PIP5K1A: variants seen among roughly 807,000 people sequenced by gnomAD.
PIP5K1A encodes phosphatidylinositol 4-phosphate 5-kinase type-1 alpha.
A neutral mutation model predicts 72.9 loss-of-function variants in PIP5K1A; 46 were observed. The ratio of observed to expected loss-of-function variants is 0.63; its 90% CI spans 0.50 to 0.81. The LOEUF is 0.81. Among genes scored for constraint, PIP5K1A ranks in the 30% least tolerant of loss-of-function variants. The pLI, the probability that PIP5K1A is intolerant of heterozygous loss-of-function variation, is 0.00. For missense variants in PIP5K1A, 458 were observed against 706.1 expected (o/e 0.65, Z 3.98); for synonymous variants, 228 against 255.1 (o/e 0.89, Z 1.01).
At chr1:151,237,071 C>T (rs180838073) in intron 9 of PIP5K1A, among the ~76,000 whole-genome samples, 1 of 152,192 alleles carries the variant, frequency 6.6e-6, no homozygotes, top group East Asian at 1.9e-4. Context: ...CTCAGGTGAT[C>T]CACCCGCCTT....
At chr1:151,236,794 A>G (rs774822322) in intron 9 of PIP5K1A, 31 bp downstream of exon 9, 1 of 1,388,924 alleles carries the variant, frequency 7.2e-7, no homozygotes, top group South Asian at 1.2e-5. Context: ...TAGGGGGGAG[A>G]ACATAGGCCC....
At chr1:151,210,262 G>C (rs1686611936) in intron 1 of PIP5K1A, among the ~76,000 whole-genome samples, 1 of 147,610 alleles carries the variant, frequency 6.8e-6, no homozygotes, top group Non-Finnish European at 1.5e-5. Context: ...ATGGCATGAT[G>C]ATAGCTCACT....
At chr1:151,211,415 G>A (rs587702519) in intron 1 of PIP5K1A, among the ~76,000 whole-genome samples, 3 of 152,182 alleles carry the variant, frequency 2.0e-5, no homozygotes, top group Admixed American at 2.0e-4. Context: ...AACCTGAGAG[G>A]TTGAGGCTGC....
chr1:151,235,371 C>T (rs587662621), intron 8 of PIP5K1A, among the ~76,000 whole-genome samples: 10 of 152,332 alleles, frequency 6.6e-5, no homozygotes, highest in African/African-American at 2.4e-4. Context: ...GTGTGAGCCA[C>T]CGCACCCGGC....
At chr1:151,199,800 T>C (rs587645046) in intron 1 of PIP5K1A, among the ~76,000 whole-genome samples, 2 of 152,184 alleles carry the variant, frequency 1.3e-5, no homozygotes, top group Non-Finnish European at 2.9e-5. Flanking sequence ...TTAAAAGATA[T>C]CGAAAAGTTA....
At position 151,232,571 on chromosome 1, in the gene PIP5K1A, G is replaced by T; in HGVS notation, c.507G>T (p.Pro169=). 3 of 1,606,404 alleles carry T rather than the reference G, an allele frequency of 1.9e-6. No individual in the cohort carries two copies. Among genetic ancestry groups the T allele is most frequent in the Non-Finnish European group, 2.5e-6 (3 of 1,177,696 alleles). Residue 169 remains proline, a synonymous_variant, in exon 7 of 16, where the codon CCG becomes CCT. Coordinates refer to ENST00000368888, the MANE Select transcript of PIP5K1A (RefSeq NM_001135638.2). Reference sequence around the variant, plus strand: ...CCCAGTATTCCCTCTGCAGTGAGCCGCTGATTGAACTCTGTAGCTCTGGAG... The same window carrying T: ...CCCAGTATTCCCTCTGCAGTGAGCCTCTGATTGAACTCTGTAGCTCTGGAG... The part of the protein sequence containing the change: ...DDYLYSLCSE[P]LIELCSSGAS...
chr1:151,195,586 T>C (rs1388086312), upstream of PIP5K1A, among the ~76,000 whole-genome samples: 1 of 151,598 alleles, frequency 6.6e-6, no homozygotes, highest in South Asian at 2.1e-4. Flanking sequence ...AAAATAAAAA[T>C]TAAAAATATA....
intron 4 of PIP5K1A, among the ~76,000 whole-genome samples, chr1:151,230,835 C>T (rs185595912): frequency 2.4e-4 from 36 of 152,234 alleles, no homozygotes; most frequent in African/African-American, 7.2e-4. Context: ...CCTCCGCCCG[C>T]GCCCACCCCA....
At chr1:151,246,783 C>T in intron 14 of PIP5K1A, 137 bp from the exon 15 acceptor site, 1 of 617,496 alleles carries the variant, frequency 1.6e-6, no homozygotes, top group Non-Finnish European at 2.9e-6. Context: ...CTAGTAGCTT[C>T]TCAGCCTCTT....
chr1:151,215,258 G>A (rs1027674639), intron 1 of PIP5K1A, among the ~76,000 whole-genome samples: 3 of 151,502 alleles, frequency 2.0e-5, no homozygotes, highest in Admixed American at 2.0e-4. Context: ...TGTTGGTCTC[G>A]AGCTCTCGAC....
Position 151,242,233 on chromosome 1 carries a change from A to G in PIP5K1A, c.1474A>G (p.Lys492Glu), listed in dbSNP as rs1691844025. The change falls in exon 13 of 16, where the codon AAG (lysine) becomes GAG (glutamate). Residue 492 changes from lysine (K) to glutamate (E), a missense_variant. Lys to Glu is a moderately conservative substitution (Grantham distance 56, BLOSUM62 1). Around this residue, in one of 3 missense-constraint regions of PIP5K1A, gnomAD observed 157 missense variants for 175.5 expected, o/e 0.89. Coordinates refer to ENST00000368888, the MANE Select transcript of PIP5K1A (RefSeq NM_001135638.2). ...CCAGCCATCGGTCTCTGGGGAACAC[A>G]AGGCACAAGTGACAACAAAGGCAGA... ...TYQPSVSGEH[K>E]AQVTTKAEVE... 6.2e-7 allele frequency: 1 copy of G among 1,614,176 alleles called. No homozygotes were observed. The highest frequency in any genetic ancestry group is 1.3e-5 in the African/African-American group (1 of 75,062).
At chr1:151,212,991 T>C (rs1013883227) in intron 1 of PIP5K1A, among the ~76,000 whole-genome samples, 4 of 144,910 alleles carry the variant, frequency 2.8e-5, no homozygotes, top group Non-Finnish European at 6.1e-5. Flanking sequence ...CCTGGGTTCA[T>C]GCCATTCTCC....
chr1:151,216,993 A>G lies in PIP5K1A; in HGVS notation c.86-7252A>G, dbSNP rs587599173. On this transcript the variant is annotated intron_variant, in intron 1 of 15. Transcript: ENST00000368888. The stretch of plus-strand genomic sequence containing the variant: ...AGTGCTGTGATCTCAGCTTACTGCA[A>G]CCTCTGCCTCCTGGGTTCAAGCAAT... 1.7e-4 allele frequency among the ~76,000 whole-genome samples: 24 copies of G among 141,402 alleles called. 1 individual carries two copies. Among genetic ancestry groups the G allele is most frequent in the African/African-American group, 6.4e-4 (24 of 37,764 alleles). The allele number at this position is 141,402 out of a possible 152,430, so 92.8% of individuals were successfully genotyped here.
chr1:151,242,353 T>C, intron 13 of PIP5K1A, 84 bp downstream of exon 13: 1 of 1,599,854 alleles, frequency 6.3e-7, no homozygotes, highest in South Asian at 1.1e-5. Flanking sequence ...CCAGGACCTC[T>C]GCTCCCATTT....
chr1:151,234,860 A>G (rs1404792555), intron 8 of PIP5K1A, among the ~76,000 whole-genome samples: 1 of 152,212 alleles, frequency 6.6e-6, no homozygotes, highest in African/African-American at 2.4e-5. Flanking sequence ...ACTGGCATCT[A>G]CAGAATTATG....
chr1:151,222,954 G>A (rs1001282007), intron 1 of PIP5K1A, among the ~76,000 whole-genome samples: 2 of 151,396 alleles, frequency 1.3e-5, no homozygotes, highest in Non-Finnish European at 2.9e-5. Context: ...GGTGGCTCAT[G>A]CCTGTAATCC....
intron 11 of PIP5K1A, among the ~76,000 whole-genome samples, chr1:151,239,536 G>A (rs948011874): frequency 2.0e-5 from 3 of 150,584 alleles, no homozygotes; most frequent in African/African-American, 4.9e-5. Context: ...GCCTCCCAAA[G>A]TGCTGAGTTG....
At chr1:151,217,578 TATTA>T (rs1687823138) in intron 1 of PIP5K1A, among the ~76,000 whole-genome samples, 1 of 152,178 alleles carries the variant, frequency 6.6e-6, no homozygotes, top group Non-Finnish European at 1.5e-5. Flanking sequence ...TTTATTAATG[TATTA>T]ATTTATTTAT....
chr1:151,198,785 G>C lies in PIP5K1A; in HGVS notation c.-212G>C, dbSNP rs1235810723. The C allele has an allele frequency of 4.7e-6, 3 of 640,794 alleles. No individual in the cohort carries two copies. The African/African-American group carries it at 5.4e-5, about 12-fold the overall frequency. The allele number at this position is 640,794 out of a possible 1,614,324, so 39.7% of individuals were successfully genotyped here. A position where few individuals can be genotyped will look rare whatever the true frequency, so the allele number is the denominator to read the frequency against. ...GGTTAAACTTGTGGAGGGGGTGCGG[G>C]ACGTGAGTTCTTCCCCATGCCAGGC... On this transcript the variant is annotated 5_prime_UTR_variant, in exon 1 of 16. Transcript: ENST00000368888.
Sources: allele counts gnomAD v4.1 joint callset (sites outside exome capture counted in the v4.1 genomes callset), GRCh38; gene constraint gnomAD v4.1.1; regional missense constraint gnomAD v4.1.1; transcripts MANE v1.5; gene names NCBI Gene and HGNC (gene_info 2026-07-23, HGNC 2026-07-21).